The following CDH13 variants were observed in gnomAD, a reference collection of about 807,000 sequenced individuals.
CDH13 encodes cadherin 13, also known as cadherin-13.
A neutral mutation model predicts 63.8 loss-of-function variants in CDH13; 24 were observed. The observed-to-expected ratio is 0.38, with a 90% CI of 0.27 to 0.53. CDH13 has a LOEUF of 0.53. CDH13 is among the 20% of genes least tolerant of loss of function. The probability of loss-of-function intolerance (pLI) is 0.85; values close to 1 mark genes in which losing one functional copy is unlikely to be tolerated. For synonymous variants in CDH13, 503 were observed against 355.3 expected, an observed-to-expected ratio of 1.42 and a Z score of -4.67; for missense variants, 1,049 against 903.1, an observed-to-expected ratio of 1.16 and a Z score of -2.07.
At chr16:83,478,024 A>T (rs566708110) in intron 6 of CDH13, among the ~76,000 whole-genome samples, 16 of 152,074 alleles carry the variant, frequency 1.1e-4, no homozygotes, top group Admixed American at 1.0e-3. Flanking sequence ...TACTAAAAAT[A>T]TAAAAAATTA....
At chr16:83,200,402 C>T (rs1311958064) in intron 4 of CDH13, among the ~76,000 whole-genome samples, 5 of 152,176 alleles carry the variant, frequency 3.3e-5, no homozygotes, top group Admixed American at 6.5e-5. Flanking sequence ...AACTGTACCT[C>T]GTGTTCCATG....
intron 1 of CDH13, among the ~76,000 whole-genome samples, chr16:82,645,753 A>C (rs983732959): frequency 2.0e-5 from 3 of 152,210 alleles, no homozygotes; most frequent in African/African-American, 7.2e-5. Context: ...ATTCATGTAT[A>C]ATTTTTCAAA....
intron 1 of CDH13, among the ~76,000 whole-genome samples, chr16:82,674,796 G>A (rs924986856): frequency 1.3e-5 from 2 of 152,214 alleles, no homozygotes; most frequent in African/African-American, 4.8e-5. Flanking sequence ...TATAATTATG[G>A]TATGTGTTGG....
chr16:83,080,969 C>A (rs1275718270), intron 3 of CDH13, among the ~76,000 whole-genome samples: 4 of 137,264 alleles, frequency 2.9e-5, no homozygotes, highest in Non-Finnish European at 6.1e-5. Flanking sequence ...GCAACCTCTG[C>A]CTCCCAGGTT....
chr16:83,083,832 A>G (rs925086164), intron 3 of CDH13, among the ~76,000 whole-genome samples: 4 of 152,216 alleles, frequency 2.6e-5, no homozygotes, highest in Non-Finnish European at 5.9e-5. Flanking sequence ...AATGAAGGGC[A>G]TCCAGCTATT....
intron 1 of CDH13, among the ~76,000 whole-genome samples, chr16:82,812,436 A>G (rs1567560211): frequency 6.6e-6 from 1 of 152,150 alleles, no homozygotes; most frequent in Non-Finnish European, 1.5e-5. Flanking sequence ...GGAGGAGCCT[A>G]AAAATGAGAC....
chr16:83,183,715 C>G lies in CDH13; in HGVS notation c.484-33630C>G, dbSNP rs559055157. 7.2e-5 allele frequency among the ~76,000 whole-genome samples: 11 copies of G among 152,270 alleles called. 1 individual carries two copies. In the South Asian group the frequency reaches 2.3e-3, roughly 32 times the overall value. ...CCTGCCATTGCTACTCAGGTGAGTG[C>G]TTTATATGGAAGTCTTGGAAAAGCG... On this transcript the variant is annotated intron_variant, in intron 4 of 13. Transcript: ENST00000567109.
intron 6 of CDH13, among the ~76,000 whole-genome samples, chr16:83,394,939 G>A (rs543103778): frequency 2.0e-5 from 3 of 152,094 alleles, no homozygotes; most frequent in African/African-American, 7.2e-5. Flanking sequence ...CCTGTGGTCA[G>A]GTGTTTGAAA....
intron 5 of CDH13, among the ~76,000 whole-genome samples, chr16:83,268,761 G>A (rs111618703): frequency 0.014 from 2,166 of 152,296 alleles, 51 homozygotes; most frequent in African/African-American, 0.049. Flanking sequence ...TATAGTCCAT[G>A]AACTACTATT....
chr16:83,482,073 C>T lies in CDH13; in HGVS notation c.782-4404C>T, dbSNP rs555226962. Among the ~76,000 whole-genome samples, 28 of 152,298 alleles carry T rather than the reference C, an allele frequency of 1.8e-4. 2 individuals carry two copies. The South Asian group carries it at 5.4e-3, about 29-fold the overall frequency. On this transcript the variant is annotated intron_variant, in intron 6 of 13. Transcript: ENST00000567109. ...CCCATTCCAGCAAGGACCTCCAAGGCGCATTGAACAGGGAGCTCAGAGGCA... is the reference window on the plus strand; with the variant it reads ...CCCATTCCAGCAAGGACCTCCAAGGTGCATTGAACAGGGAGCTCAGAGGCA...
intron 4 of CDH13, among the ~76,000 whole-genome samples, chr16:83,176,900 G>C (rs1389701928): frequency 6.6e-6 from 1 of 152,106 alleles, no homozygotes. Flanking sequence ...GCCTGAGCCA[G>C]AGTTAGCCTG....
chr16:83,141,657 C>G (rs374381498), intron 4 of CDH13, among the ~76,000 whole-genome samples: 2 of 152,026 alleles, frequency 1.3e-5, no homozygotes, highest in South Asian at 2.1e-4. Context: ...TCCTAATGCT[C>G]TCTCTCCTTT....
At chr16:83,393,358 A>G (rs1426815060) in intron 6 of CDH13, among the ~76,000 whole-genome samples, 4 of 152,228 alleles carry the variant, frequency 2.6e-5, no homozygotes, top group Admixed American at 1.3e-4. Context: ...ATTTCTGAGC[A>G]TACATGCTTG....
rs1401788045 is a variant in CDH13, at chr16:83,753,074, C to A, written c.1681+4824C>A. 5.3e-5 allele frequency among the ~76,000 whole-genome samples: 8 copies of A among 152,228 alleles called. No individual in the cohort carries two copies. In the East Asian group the frequency reaches 1.5e-3, roughly 29 times the overall value. On this transcript the variant is annotated intron_variant, in intron 11 of 13. Transcript: ENST00000567109. The stretch of plus-strand genomic sequence containing the variant: ...ACCAGGTTGGCATTAACATACAAAA[C>A]CATCGTTAGGAATAATAATCTCGAA...
At chr16:83,460,094 A>C (rs952852602) in intron 6 of CDH13, among the ~76,000 whole-genome samples, 3 of 152,242 alleles carry the variant, frequency 2.0e-5, no homozygotes, top group Admixed American at 6.5e-5. Flanking sequence ...TAACTAAGAG[A>C]TAAAAACAGT....
intron 7 of CDH13, among the ~76,000 whole-genome samples, chr16:83,586,624 T>C (rs956171340): frequency 6.6e-6 from 1 of 152,168 alleles, no homozygotes; most frequent in Non-Finnish European, 1.5e-5. Context: ...CCAATACAAT[T>C]TCAAGAACAA....
At chr16:83,116,739 T>A (rs978031993) in intron 3 of CDH13, among the ~76,000 whole-genome samples, 2 of 152,244 alleles carry the variant, frequency 1.3e-5, no homozygotes, top group African/African-American at 4.8e-5. Context: ...ATCACTGTGT[T>A]ACACACTTAA....
intron 3 of CDH13, among the ~76,000 whole-genome samples, chr16:83,097,999 G>A (rs891497476): frequency 2.0e-5 from 3 of 152,162 alleles, no homozygotes; most frequent in Non-Finnish European, 4.4e-5. Context: ...ATATCTGGAT[G>A]GAATGAAGGA....
intron 3 of CDH13, among the ~76,000 whole-genome samples, chr16:83,078,974 T>C (rs970612839): frequency 6.6e-6 from 1 of 152,100 alleles, no homozygotes; most frequent in African/African-American, 2.4e-5. Flanking sequence ...TTTGTATATT[T>C]AGTAGAGACG....
Sources: gnomAD v4.1 joint callset for allele counts (sites outside exome capture counted in the v4.1 genomes callset) on GRCh38, gnomAD v4.1.1 for gene constraint, MANE v1.5 for transcripts, NCBI Gene and HGNC (gene_info 2026-07-23, HGNC 2026-07-21) for gene names.